The following PKM variants were observed in gnomAD, a reference collection of about 807,000 sequenced individuals.
PKM encodes the protein pyruvate kinase M1/2, also known as pyruvate kinase PKM.
A neutral mutation model predicts 49.8 loss-of-function variants in PKM; 18 were observed. The ratio of observed to expected loss-of-function variants is 0.36; its 90% confidence interval spans 0.25 to 0.54. PKM has a LOEUF of 0.54. PKM is among the 20% of genes least tolerant of loss of function. The pLI is 0.89. For missense variants in PKM, 508 were observed against 713.8 expected (o/e 0.71, Z 3.28); for synonymous variants, 239 against 261.8 (o/e 0.91, Z 0.84).
At chr15:72,217,534 A>G in intron 2 of PKM, 34 bp from the exon 3 acceptor site, 2 of 1,308,000 alleles carry the variant, frequency 1.5e-6, no homozygotes, top group Non-Finnish European at 2.2e-6. Flanking sequence ...ACAAGTATTA[A>G]TTATTCAAAG....
In PKM at chr15:72,219,903, A is replaced by T. The variant is rs1022507613; in HGVS notation, c.-13-793T>A. 3.3e-5 allele frequency among the ~76,000 whole-genome samples: 5 copies of T among 152,244 alleles called. No homozygotes were observed. In the East Asian group the frequency reaches 7.7e-4, roughly 23 times the overall value. On this transcript the variant is annotated intron_variant, in intron 1 of 10. Coordinates refer to ENST00000335181, the MANE Select transcript of PKM (RefSeq NM_002654.6). ...CATCCTGATTTCTTTTCTAAGCCTG[A>T]CAAGTATACCACCACTCTGTAACAC...
chr15:72,210,615 A>T, intron 3 of PKM, 137 bp from the exon 4 acceptor site: 2 of 937,866 alleles, frequency 2.1e-6, no homozygotes, highest in Non-Finnish European at 3.3e-6. Flanking sequence ...CCTCAGCACG[A>T]TCCATGCACT....
At chr15:72,213,165 T>G (rs1299612307) in intron 3 of PKM, among the ~76,000 whole-genome samples, 1 of 152,242 alleles carries the variant, frequency 6.6e-6, no homozygotes, top group East Asian at 1.9e-4. Flanking sequence ...TGGTCATGGA[T>G]CAAGACATTC....
At chr15:72,226,860 C>T (rs533241764) in intron 1 of PKM, among the ~76,000 whole-genome samples, 2 of 152,340 alleles carry the variant, frequency 1.3e-5, no homozygotes, top group South Asian at 2.1e-4. Flanking sequence ...GTACTGCAGC[C>T]GGCTTGTTCC....
chr15:72,210,381 T>G lies in PKM; in HGVS notation c.344A>C (p.Lys115Thr), dbSNP rs1434046274. The change falls in exon 4 of 11, where the codon AAA becomes ACA. Residue 115 changes from lysine to threonine, a missense_variant. Coordinates refer to ENST00000335181, the MANE Select transcript of PKM (RefSeq NM_002654.6). ...YRPVAVALDTKGPEIRTGLIK... is the reference protein window; with the variant it reads ...YRPVAVALDTTGPEIRTGLIK... ...GAGCCCAGTTCGGATCTCAGGTCCT[T>G]TAGTGTCTAGAGCCACAGCAACGGG... The G allele has an allele frequency of 1.9e-6, 3 of 1,614,038 alleles. No homozygotes were observed. The East Asian group carries it at 6.7e-5, about 36-fold the overall frequency.
intron 2 of PKM, among the ~76,000 whole-genome samples, chr15:72,218,678 T>C (rs962334766): frequency 6.6e-6 from 1 of 151,958 alleles, no homozygotes; most frequent in Non-Finnish European, 1.5e-5. Context: ...TCCTCCCACG[T>C]TGGCCTCCCA....
At chr15:72,199,836 G>A (rs1446197781) in intron 10 of PKM, 80 bp from the exon 11 acceptor site, 1 of 867,816 alleles carries the variant, frequency 1.2e-6, no homozygotes, top group South Asian at 1.4e-5. Context: ...CATAGCCTGA[G>A]TACTGAACTA....
chr15:72,228,721 G>C, intron 1 of PKM: 1 of 793,822 alleles, frequency 1.3e-6, no homozygotes, highest in Non-Finnish European at 1.8e-6. Context: ...CAGCACCTCA[G>C]GCCACCAAAG....
intron 1 of PKM, among the ~76,000 whole-genome samples, chr15:72,223,372 A>C (rs2082578460): frequency 6.6e-6 from 1 of 152,120 alleles, no homozygotes; most frequent in Admixed American, 6.5e-5. Context: ...CATCACATAG[A>C]TCAACTATAA....
intron 3 of PKM, among the ~76,000 whole-genome samples, chr15:72,215,636 AGCAGGTGTG>A: frequency 6.6e-6 from 1 of 152,230 alleles, no homozygotes; most frequent in Non-Finnish European, 1.5e-5. Flanking sequence ...GCTCTCATCC[AGCAGGTGTG>A]GCAGGTATCA....
chr15:72,219,379 GTCTC>G (rs1383439056), intron 1 of PKM: 1 of 375,788 alleles, frequency 2.7e-6, no homozygotes, highest in Admixed American at 3.8e-5. Context: ...CAGTAAGCAG[GTCTC>G]TCTTACACTG....
At position 72,199,161 on chromosome 15, in the gene PKM, GA is replaced by G; in HGVS notation, c.*488del. The G allele has an allele frequency of 1.5e-5, 5 of 337,038 alleles. No individual in the cohort carries two copies. Among genetic ancestry groups the G allele is most frequent in the South Asian group, 1.2e-4 (5 of 42,840 alleles). The allele number at this position is 337,038 out of a possible 1,614,324, so 20.9% of individuals were successfully genotyped here. A position where few individuals can be genotyped will look rare whatever the true frequency, so the allele number is the denominator to read the frequency against. On this transcript the variant is annotated 3_prime_UTR_variant, in exon 11 of 11. Coordinates refer to ENST00000335181, the MANE Select transcript of PKM (RefSeq NM_002654.6). ...GCAGGACAGCTGAGTGGAGGGTGGG[GA>G]CAGGTGCAAACTGGAGAGGCCTAGA... is the stretch of plus-strand genomic sequence containing the variant.
At position 72,205,473 on chromosome 15, in the gene PKM, G is replaced by A. The variant is rs118107727; in HGVS notation, c.1140+1255C>T. 3.1e-3 allele frequency among the ~76,000 whole-genome samples: 473 copies of A among 152,162 alleles called. 2 individuals carry two copies. Among genetic ancestry groups the A allele is most frequent in the Admixed American group, 5.7e-3 (87 of 15,270 alleles). ...TAAGGATGCTGATGACAGACAGTCC[G>A]GAAAATATCCTTAGTCAAGTGTGAA... On this transcript the variant is annotated intron_variant, in intron 8 of 10. Transcript: ENST00000335181.
At chr15:72,199,859 A>G in intron 10 of PKM, 103 bp from the exon 11 acceptor site, 1 of 756,670 alleles carries the variant, frequency 1.3e-6, no homozygotes, top group South Asian at 1.5e-5. Context: ...CTGGCTGACC[A>G]CTACTTCCTC....
intron 5 of PKM, 81 bp downstream of exon 5, chr15:72,209,592 A>C: frequency 7.8e-7 from 1 of 1,277,248 alleles, no homozygotes; most frequent in South Asian, 1.2e-5. Context: ...CAGGCAACCA[A>C]CCTTCCCATC....
chr15:72,206,863 G>A lies in PKM; in HGVS notation c.1005C>T (p.Ile335=), dbSNP rs1596736131. 1 of 1,614,134 alleles carries A rather than the reference G, an allele frequency of 6.2e-7. No homozygotes were observed. The highest frequency in any genetic ancestry group is 2.2e-5 in the East Asian group (1 of 44,880). Residue 335 remains isoleucine, a synonymous_variant, in exon 8 of 11, where the codon ATC becomes ATT. Transcript: ENST00000335181. The part of the protein sequence containing the change: ...ICATQMLESM[I]KKPRPTRAEG... ...CAGCCCGAGTGGGGCGGGGCTTCTT[G>A]ATCATGCTCTCCAGCATCTGGGAGG...
rs187339022 is a variant in PKM at position 72,223,112 on chromosome 15, C to G, written c.-13-4002G>C. 4.0e-5 allele frequency among the ~76,000 whole-genome samples: 6 copies of G among 151,320 alleles called. No individual in the cohort carries two copies. In the East Asian group the frequency reaches 1.2e-3, roughly 29 times the overall value. On this transcript the variant is annotated intron_variant, in intron 1 of 10. Coordinates refer to ENST00000335181, the MANE Select transcript of PKM (RefSeq NM_002654.6). ...ATATTATATTATAGCTCACTGCACC[C>G]TCAAACGATCCTCCAGCCTCAGCAT...
intron 1 of PKM, among the ~76,000 whole-genome samples, chr15:72,225,929 A>T (rs2082655651): frequency 6.6e-6 from 1 of 152,222 alleles, no homozygotes; most frequent in South Asian, 2.1e-4. Context: ...TTGCTCTCCA[A>T]AGTGGCTATA....
chr15:72,212,343 C>T (rs1305323894), intron 3 of PKM, among the ~76,000 whole-genome samples: 7 of 151,984 alleles, frequency 4.6e-5, no homozygotes, highest in African/African-American at 1.7e-4. Flanking sequence ...GGCGTGGTGG[C>T]GTGCACCTGT....
Sources: gnomAD v4.1 joint callset for allele counts (sites outside exome capture counted in the v4.1 genomes callset) on GRCh38, gnomAD v4.1.1 for gene constraint, MANE v1.5 for transcripts, NCBI Gene and HGNC (gene_info 2026-07-23, HGNC 2026-07-21) for gene names.